The following ATP2A3 variants were observed in gnomAD, a reference collection of about 807,000 sequenced individuals.
ATP2A3 encodes the protein ATPase sarcoplasmic/endoplasmic reticulum Ca2+ transporting 3, also known as sarcoplasmic/endoplasmic reticulum calcium ATPase 3.
In ATP2A3, 61 loss-of-function variants were observed where a neutral mutation model predicts 106.8. The ratio of observed to expected loss-of-function variants is 0.57; its 90% CI spans 0.46 to 0.71. ATP2A3 has a LOEUF of 0.71. ATP2A3 is among the 30% of genes least tolerant of loss of function. ATP2A3 has a pLI of 0.00. For missense variants in ATP2A3, 1,201 were observed against 1,423.5 expected, an observed-to-expected ratio of 0.84 and a Z score of 2.52; for synonymous variants, 611 against 609.3, an observed-to-expected ratio of 1.00 and a Z score of -0.04.
chr17:3,924,420 G>A lies in ATP2A3; in HGVS notation c.*1002C>T, dbSNP rs138079189. 91 of 208,368 alleles carry A rather than the reference G, an allele frequency of 4.4e-4. No individual in the cohort carries two copies. Among genetic ancestry groups the A allele is most frequent in the African/African-American group, 2.0e-3 (84 of 42,708 alleles). 12.9% of individuals were successfully genotyped at this position (208,368 alleles called of 1,614,324 possible). On this transcript the variant is annotated 3_prime_UTR_variant, in exon 21 of 21. Coordinates refer to ENST00000397041, the MANE Select transcript of ATP2A3 (RefSeq NM_005173.4). The surrounding 1 kb of genome is among the most constrained non-coding windows in gnomAD (Gnocchi z 6.4). ...CTTAGTGACATCCTTTCGGCTCATG[G>A]GTGTCGTGGGGAGGGGGCAAGGAGT...
At position 3,950,630 on chromosome 17, in the gene ATP2A3, T is replaced by A. The variant is rs2054360762; in HGVS notation, c.545-34A>T. 2.5e-6 allele frequency: 4 copies of A among 1,613,660 alleles called. No individual in the cohort carries two copies. The South Asian group carries it at 4.4e-5, about 18-fold the overall frequency. On this transcript the variant is annotated intron_variant, in intron 6 of 20. Coordinates refer to ENST00000397041, the MANE Select transcript of ATP2A3 (RefSeq NM_005173.4). The stretch of plus-strand genomic sequence containing the variant: ...GGAATCAGAGATGAGAAGCCCCACA[T>A]GAAGACACGCCCATCCCTTAGTCCT...
At position 3,946,358 on chromosome 17, in the gene ATP2A3, C is replaced by G. The variant is rs367635706; in HGVS notation, c.1095+1033G>C. 2.0e-5 allele frequency among the ~76,000 whole-genome samples: 3 copies of G among 152,070 alleles called. No individual in the cohort carries two copies. In the East Asian group the frequency reaches 5.8e-4, roughly 29 times the overall value. On this transcript the variant is annotated intron_variant, in intron 8 of 20. Coordinates refer to ENST00000397041, the MANE Select transcript of ATP2A3 (RefSeq NM_005173.4). ...CTTGAGGTCAGGAGTTATAGACCAG[C>G]CTGGCCAACATGGTGAAACCCCGTC...
At chr17:3,937,193 G>A (rs775627093) in intron 15 of ATP2A3, 16 of 591,772 alleles carry the variant, frequency 2.7e-5, no homozygotes, top group Non-Finnish European at 3.6e-5. Flanking sequence ...AGGCACCTCC[G>A]TGGGTGCTGG....
intron 17 of ATP2A3, among the ~76,000 whole-genome samples, chr17:3,931,736 T>A (rs576801863): frequency 6.6e-6 from 1 of 152,240 alleles, no homozygotes; most frequent in South Asian, 2.1e-4. Flanking sequence ...TTAGCCAGGA[T>A]GGTCTAGAAC....
At chr17:3,939,301 C>T (rs1240024756) in intron 14 of ATP2A3, among the ~76,000 whole-genome samples, 1 of 151,900 alleles carries the variant, frequency 6.6e-6, no homozygotes, top group African/African-American at 2.4e-5. Context: ...CAAGGCTGGG[C>T]CATGGGTCAG....
chr17:3,958,869 T>C (rs554053972), intron 1 of ATP2A3, among the ~76,000 whole-genome samples: 1,985 of 77,454 alleles, frequency 0.026, 167 homozygotes, highest in African/African-American at 0.037. Flanking sequence ...TATATATATA[T>C]ACACACACAC....
At chr17:3,952,444 AAGG>A in intron 3 of ATP2A3, among the ~76,000 whole-genome samples, 1 of 152,310 alleles carries the variant, frequency 6.6e-6, no homozygotes, top group Middle Eastern at 3.4e-3. Context: ...GAGGAACAGC[AAGG>A]AGATGCGGCA....
chr17:3,930,583 A>G lies in ATP2A3; in HGVS notation c.2611-149T>C, dbSNP rs1402739439. On this transcript the variant is annotated intron_variant, in intron 17 of 20. Transcript: ENST00000397041. The surrounding 1 kb of genome is among the most constrained non-coding windows in gnomAD (Gnocchi z 5.4). ...CGTGGGGTGGGCTGGGGATCCCGGG[A>G]GGGGTGCGGGGTCGGGGCGGCGGTG... The G allele has an allele frequency of 2.5e-5, 11 of 441,924 alleles. No homozygotes were observed. The highest frequency in any genetic ancestry group is 3.0e-5 in the Admixed American group (1 of 32,856). The allele number at this position is 441,924 out of a possible 1,614,324, so 27.4% of individuals were successfully genotyped here.
rs1024702610 is a variant in ATP2A3, at chr17:3,964,287, T to C, written c.5A>G (p.Glu2Gly). Residue 2 changes from glutamate (E) to glycine (G), a missense_variant, in exon 1 of 21, where the codon GAG (glutamate) becomes GGG (glycine). Physicochemically the swap from Glu to Gly is moderately conservative, Grantham distance 98. Coordinates refer to ENST00000397041, the MANE Select transcript of ATP2A3 (RefSeq NM_005173.4). Reference protein sequence around the residue: MEAAHLLPAADV... With the variant: MGAAHLLPAADV... The stretch of plus-strand genomic sequence containing the variant: ...GGCGGCCGGGAGCAGATGCGCCGCC[T>C]CCATGCCGCCCGCCCGGCCGTCTGC... 2 of 1,261,974 alleles carry C rather than the reference T, an allele frequency of 1.6e-6. No individual in the cohort carries two copies. Among genetic ancestry groups the C allele is most frequent in the Non-Finnish European group, 2.0e-6 (2 of 990,346 alleles). 78.2% of individuals were successfully genotyped at this position (1,261,974 alleles called of 1,614,324 possible). A position where few individuals can be genotyped will look rare whatever the true frequency, so the allele number is the denominator to read the frequency against.
intron 1 of ATP2A3, among the ~76,000 whole-genome samples, chr17:3,961,300 G>T (rs1319383352): frequency 6.6e-6 from 1 of 152,188 alleles, no homozygotes; most frequent in Non-Finnish European, 1.5e-5. Context: ...ACAAGTAAAA[G>T]CCCCCCAAGG....
rs776495028 is a variant in ATP2A3, at chr17:3,942,682, T to C, written c.1469A>G (p.Asp490Gly). 17 of 1,613,666 alleles carry C rather than the reference T, an allele frequency of 1.1e-5. No homozygotes were observed. The South Asian group carries it at 1.9e-4, about 18-fold the overall frequency. Reference protein sequence around the residue: ...RKEFTLEFSRDRKSMSVYCTP... With the variant: ...RKEFTLEFSRGRKSMSVYCTP... ...GCAGTACACGGACATGGATTTCCGG[T>C]CTCGGGAGAACTCCAGGGTGAACTC... Residue 490 changes from aspartate (D) to glycine (G), a missense_variant, in exon 12 of 21, where the codon GAC becomes GGC. Physicochemically the swap from Asp to Gly is moderately conservative, Grantham distance 94. This residue lies in a region of ATP2A3 where 935 missense variants were observed against 1,176.7 expected (regional missense o/e 0.79). Coordinates refer to ENST00000397041, the MANE Select transcript of ATP2A3 (RefSeq NM_005173.4).
chr17:3,962,707 T>C (rs565634937), intron 1 of ATP2A3, among the ~76,000 whole-genome samples: 2 of 94,786 alleles, frequency 2.1e-5, no homozygotes, highest in South Asian at 4.4e-4. Context: ...GAAGACATGA[T>C]ATCAGAATGA....
chr17:3,946,379 C>G (rs1198381276), intron 8 of ATP2A3, among the ~76,000 whole-genome samples: 3 of 152,096 alleles, frequency 2.0e-5, no homozygotes, highest in Admixed American at 6.5e-5. Context: ...TGGTGAAACC[C>G]CGTCTCTACT....
rs934718366 is a variant in ATP2A3 at position 3,951,322 on chromosome 17, C to T, written c.392G>A (p.Arg131His). ...EYEPEMGKVI[R>H]SDRKGVQRIR... ...CCTCTGCACGCCCTTGCGGTCCGAG[C>T]GGATCACCTTGCCCATCTCAGGCTC... The change falls in exon 5 of 21, where the codon CGC becomes CAC. Residue 131 changes from arginine to histidine, a missense_variant. By Grantham distance (29) the Arg-to-His change is conservative. Coordinates refer to ENST00000397041, the MANE Select transcript of ATP2A3 (RefSeq NM_005173.4). The T allele has an allele frequency of 1.5e-5, 25 of 1,613,782 alleles. No individual in the cohort carries two copies. In the Admixed American group the frequency reaches 3.5e-4, roughly 23 times the overall value.
chr17:3,931,737 G>A (rs1160533398), intron 17 of ATP2A3, among the ~76,000 whole-genome samples: 1 of 152,100 alleles, frequency 6.6e-6, no homozygotes, highest in Non-Finnish European at 1.5e-5. Flanking sequence ...TAGCCAGGAT[G>A]GTCTAGAACT....
intron 1 of ATP2A3, among the ~76,000 whole-genome samples, chr17:3,954,712 G>T (rs1394754178): frequency 6.6e-6 from 1 of 151,954 alleles, no homozygotes; most frequent in Non-Finnish European, 1.5e-5. Context: ...GGCCAGGGTG[G>T]TCTCGAACTC....
Position 3,949,909 on chromosome 17 carries a change from C to A in ATP2A3, c.630+602G>T, listed in dbSNP as rs982154301. ...AGGTGCAGTGGCTCATGCTTATAATCCTAGCACTTTGGGAGGCCAAGGTGG... is the reference window on the plus strand; with the variant it reads ...AGGTGCAGTGGCTCATGCTTATAATACTAGCACTTTGGGAGGCCAAGGTGG... On this transcript the variant is annotated intron_variant, in intron 7 of 20. Coordinates refer to ENST00000397041, the MANE Select transcript of ATP2A3 (RefSeq NM_005173.4). 5.9e-5 allele frequency among the ~76,000 whole-genome samples: 9 copies of A among 152,114 alleles called. No homozygotes were observed. The South Asian group carries it at 1.9e-3, about 32-fold the overall frequency.
At chr17:3,933,810 G>A (rs1000246036) in intron 17 of ATP2A3, among the ~76,000 whole-genome samples, 1 of 151,640 alleles carries the variant, frequency 6.6e-6, no homozygotes, top group Non-Finnish European at 1.5e-5. Context: ...AGCCCTGGAG[G>A]AGCCCATTTC....
Position 3,925,770 on chromosome 17 carries a change from C to T in ATP2A3, c.2981-329G>A, listed in dbSNP as rs935393267. Among the ~76,000 whole-genome samples the T allele has an allele frequency of 3.9e-5, 6 of 152,144 alleles. No individual in the cohort carries two copies. Among genetic ancestry groups the T allele is most frequent in the African/African-American group, 1.4e-4 (6 of 41,428 alleles). On this transcript the variant is annotated intron_variant, in intron 20 of 20. Coordinates refer to ENST00000397041, the MANE Select transcript of ATP2A3 (RefSeq NM_005173.4). The surrounding 1 kb of genome is among the most constrained non-coding windows in gnomAD (Gnocchi z 4.2). ...AGACACCAGGCTCATCCTTGCTTCT[C>T]TTGCCCATCACACACACCCAGGCCT...
Sources: gnomAD v4.1 joint callset for allele counts (sites outside exome capture counted in the v4.1 genomes callset) on GRCh38, gnomAD v4.1.1 for gene constraint, gnomAD v4.1.1 regional missense constraint, Gnocchi (gnomAD v3.1) non-coding constraint, MANE v1.5 for transcripts, NCBI Gene and HGNC (gene_info 2026-07-23, HGNC 2026-07-21) for gene names.